The following TRIM37 variants were observed in gnomAD, a reference collection of about 807,000 sequenced individuals.
TRIM37 encodes the protein tripartite motif containing 37.
TRIM37 carries 80 observed loss-of-function variants against 129.8 expected under a neutral mutation model. The observed-to-expected ratio is 0.62, with a 90% CI of 0.51 to 0.74. The LOEUF is 0.74. Among genes scored for constraint, TRIM37 ranks in the 30% least tolerant of loss-of-function variants. The probability of loss-of-function intolerance (pLI) is 0.00; values close to 1 mark genes in which losing one functional copy is unlikely to be tolerated. For synonymous variants in TRIM37, 389 were observed against 387.1 expected, an observed-to-expected ratio of 1.00 and a Z score of -0.06; for missense variants, 1,054 against 1,176.5, an observed-to-expected ratio of 0.90 and a Z score of 1.52.
At chr17:58,994,743 T>C (rs1598769476), downstream of TRIM37, among the ~76,000 whole-genome samples, 1 of 151,000 alleles carries the variant, frequency 6.6e-6, no homozygotes, top group African/African-American at 2.5e-5. Flanking sequence ...ATACATTTTC[T>C]TTCTTTCTTT....
At chr17:59,021,500 C>T (rs925487660) in intron 19 of TRIM37, among the ~76,000 whole-genome samples, 2 of 152,022 alleles carry the variant, frequency 1.3e-5, no homozygotes, top group Non-Finnish European at 2.9e-5. Flanking sequence ...AACTGGAGAT[C>T]GTTATGTTAA....
At chr17:59,093,994 A>G (rs1213785829) in intron 2 of TRIM37, among the ~76,000 whole-genome samples, 3 of 152,134 alleles carry the variant, frequency 2.0e-5, no homozygotes, top group African/African-American at 7.2e-5. Flanking sequence ...TCCCGGGTTC[A>G]AGCAATTCTC....
At chr17:59,097,145 A>G (rs2147469189) in intron 2 of TRIM37, among the ~76,000 whole-genome samples, 1 of 152,300 alleles carries the variant, frequency 6.6e-6, no homozygotes, top group Admixed American at 6.5e-5. Context: ...ATAAAAACTC[A>G]TAAAAATCAT....
At chr17:58,967,624 A>T in the TRIM37 span, among the ~76,000 whole-genome samples, 1 of 151,794 alleles carries the variant, frequency 6.6e-6, no homozygotes, top group Admixed American at 6.6e-5. Context: ...ATACATTATT[A>T]TAATAGGGAA....
intron 8 of TRIM37, among the ~76,000 whole-genome samples, chr17:59,075,189 A>C (rs1714078719): frequency 6.6e-6 from 1 of 152,164 alleles, no homozygotes; most frequent in Non-Finnish European, 1.5e-5. Flanking sequence ...TAATTTCATA[A>C]AAATCTCCAT....
intron 2 of TRIM37, among the ~76,000 whole-genome samples, chr17:59,099,047 C>T (rs1031532146): frequency 2.6e-5 from 4 of 152,110 alleles, no homozygotes; most frequent in Non-Finnish European, 2.9e-5. Flanking sequence ...GCTGGGTGTA[C>T]TGGCGCACAC....
At chr17:59,052,997 C>G (rs535557498) in intron 13 of TRIM37, among the ~76,000 whole-genome samples, 1 of 151,930 alleles carries the variant, frequency 6.6e-6, no homozygotes, top group East Asian at 1.9e-4. Context: ...CAAATCAAAT[C>G]AAATCAAGAG....
intron 9 of TRIM37, among the ~76,000 whole-genome samples, chr17:59,066,243 T>C (rs950602705): frequency 6.6e-6 from 1 of 152,216 alleles, no homozygotes; most frequent in African/African-American, 2.4e-5. Flanking sequence ...CTTCCCAGTA[T>C]AGCCTTCAAA....
In TRIM37 at chr17:59,106,429, C is replaced by CA; in HGVS notation, c.21+11dup. ...GGGCGGGGACTAACCACCACCCTCACAACCCCCTCACCTCCACGCTCTGTT... is the reference window on the plus strand; with the variant it reads ...GGGCGGGGACTAACCACCACCCTCACAAACCCCCTCACCTCCACGCTCTGTT... On this transcript the variant is annotated intron_variant, in intron 1 of 23. Coordinates refer to ENST00000262294, the MANE Select transcript of TRIM37 (RefSeq NM_015294.6). 1 of 1,614,096 alleles carries CA rather than the reference C, an allele frequency of 6.2e-7. No individual in the cohort carries two copies. The highest frequency in any genetic ancestry group is 1.1e-5 in the South Asian group (1 of 91,080).
chr17:58,969,835 C>T, the TRIM37 span: 8 of 1,042,318 alleles, frequency 7.7e-6, no homozygotes, highest in Non-Finnish European at 1.1e-5. Context: ...CAGACATTAT[C>T]CAAACTGTAT....
the TRIM37 span, chr17:58,972,056 T>C: frequency 4.3e-6 from 6 of 1,406,462 alleles, no homozygotes; most frequent in Non-Finnish European, 5.8e-6. Context: ...AAAAGCTTAA[T>C]TATAAATTGC....
At chr17:59,071,282 GCTTT>G (rs1430873991) in intron 8 of TRIM37, among the ~76,000 whole-genome samples, 2 of 144,114 alleles carry the variant, frequency 1.4e-5, no homozygotes, top group Non-Finnish European at 1.5e-5. Context: ...TAAGTTGAAA[GCTTT>G]TTTTTTTTTT....
chr17:59,047,887 GC>G (rs2039977510), intron 15 of TRIM37, 68 bp from the exon 16 acceptor site: 6 of 1,574,452 alleles, frequency 3.8e-6, no homozygotes, highest in Admixed American at 1.7e-5. Context: ...ACCCCATCCA[GC>G]CCATAAACCA....
intron 19 of TRIM37, among the ~76,000 whole-genome samples, chr17:59,021,876 T>G (rs906757618): frequency 6.6e-6 from 1 of 151,834 alleles, no homozygotes; most frequent in Non-Finnish European, 1.5e-5. Context: ...ATCTCATATA[T>G]CCTATAAATA....
chr17:59,044,735 T>C (rs1453688679), intron 16 of TRIM37, among the ~76,000 whole-genome samples: 1 of 152,196 alleles, frequency 6.6e-6, no homozygotes, highest in African/African-American at 2.4e-5. Flanking sequence ...GTGCATAGGT[T>C]ATATGCAACT....
chr17:59,024,755 C>G (rs1394642837), intron 19 of TRIM37, among the ~76,000 whole-genome samples: 1 of 152,216 alleles, frequency 6.6e-6, no homozygotes. Flanking sequence ...CTCCTGGGCT[C>G]AAGAAGCCAT....
chr17:59,008,633 C>T (rs1211021176), intron 22 of TRIM37, among the ~76,000 whole-genome samples: 1 of 152,166 alleles, frequency 6.6e-6, no homozygotes, highest in Non-Finnish European at 1.5e-5. Flanking sequence ...GGTGTGGTGG[C>T]TCATGTCTGT....
At chr17:59,086,161 G>C (rs536891880) in intron 4 of TRIM37, among the ~76,000 whole-genome samples, 2 of 151,958 alleles carry the variant, frequency 1.3e-5, no homozygotes, top group South Asian at 2.1e-4. Context: ...GATTAAGATG[G>C]TAAATTTTAT....
rs8067187 is a variant in TRIM37 at position 59,036,191 on chromosome 17, T to C, written c.1754-4101A>G. Among the ~76,000 whole-genome samples, 1,351 of 152,218 alleles carry C rather than the reference T, an allele frequency of 8.9e-3. 28 individuals carry two copies. Among genetic ancestry groups the C allele is most frequent in the African/African-American group, 0.03 (1,247 of 41,536 alleles). ...GGGAGGCTGAGGCAGGAGGACTAAT[T>C]GAGGCCAGGAGTTGGAGACCAGCCA... On this transcript the variant is annotated intron_variant, in intron 17 of 23. Coordinates refer to ENST00000262294, the MANE Select transcript of TRIM37 (RefSeq NM_015294.6).
Sources: allele counts gnomAD v4.1 joint callset (sites outside exome capture counted in the v4.1 genomes callset), GRCh38; gene constraint gnomAD v4.1.1; transcripts MANE v1.5; gene names NCBI Gene and HGNC (gene_info 2026-07-23, HGNC 2026-07-21).